Variants in SIK3 observed in about 807,000 individuals in gnomAD.
SIK3 encodes serine/threonine-protein kinase SIK3.
In SIK3, 28 loss-of-function variants were observed where a neutral mutation model predicts 144.2. The ratio of observed to expected loss-of-function variants is 0.19; its 90% CI spans 0.14 to 0.27. The LOEUF (loss-of-function observed/expected upper bound fraction) is 0.27, where lower values mean the gene tolerates loss of function less well. Among genes scored for constraint, SIK3 ranks in the 10% least tolerant of loss-of-function variants. The probability of loss-of-function intolerance (pLI) is 1.00; values close to 1 mark genes in which losing one functional copy is unlikely to be tolerated. For synonymous variants in SIK3, 686 were observed against 676.3 expected (o/e 1.01, Z -0.22); for missense variants, 1,319 against 1,776.0 (o/e 0.74, Z 4.62).
chr11:117,057,686 G>A (rs761427896), intron 1 of SIK3, among the ~76,000 whole-genome samples: 4 of 152,262 alleles, frequency 2.6e-5, no homozygotes, highest in Admixed American at 6.5e-5. Context: ...AGTTTAGAAC[G>A]TGGGCACTGG....
At chr11:116,993,594 G>C (rs576896969) in intron 1 of SIK3, among the ~76,000 whole-genome samples, 2 of 152,202 alleles carry the variant, frequency 1.3e-5, no homozygotes, top group East Asian at 3.9e-4. Context: ...AGGAAAACAT[G>C]TATATTCCTT....
rs549983135 is a variant in SIK3 at position 117,025,880 on chromosome 11, T to TA, written c.274-68817dup. Among the ~76,000 whole-genome samples, 3 of 152,338 alleles carry TA rather than the reference T, an allele frequency of 2.0e-5. No individual in the cohort carries two copies. The East Asian group carries it at 5.8e-4, about 29-fold the overall frequency. On this transcript the variant is annotated intron_variant, in intron 1 of 24. Coordinates refer to ENST00000445177, the MANE Select transcript of SIK3 (RefSeq NM_001366686.3). ...AACTCAAATCCCCTGACTACCTCTCTAAGGCTTTTTCCACAACTTTATGTA... is the reference window on the plus strand; with the variant it reads ...AACTCAAATCCCCTGACTACCTCTCTAAAGGCTTTTTCCACAACTTTATGTA...
Position 116,861,914 on chromosome 11 carries a change from G to C in SIK3, c.2242C>G (p.Pro748Ala). 1 of 1,609,466 alleles carries C rather than the reference G, an allele frequency of 6.2e-7. No homozygotes were observed. Among genetic ancestry groups the C allele is most frequent in the Non-Finnish European group, 8.5e-7 (1 of 1,177,932 alleles). ...TGAAGAGGTGGAGATGGCTGAGGAG[G>C]ACAGATAGAGTCCTAAAACATATAT... ...LQQQIQDSIC[P>A]PQPSPPLQAA... The change falls in exon 18 of 25, where the codon CCT (proline) becomes GCT (alanine). Residue 748 changes from proline (P) to alanine (A), a missense_variant. Transcript: ENST00000445177.
At chr11:117,069,536 G>A (rs1954171506) in intron 1 of SIK3, among the ~76,000 whole-genome samples, 1 of 152,080 alleles carries the variant, frequency 6.6e-6, no homozygotes, top group Admixed American at 6.6e-5. Context: ...TTTAGCAACT[G>A]GTTTGTTCAA....
intron 1 of SIK3, among the ~76,000 whole-genome samples, chr11:117,092,926 A>C (rs1252385991): frequency 7.2e-5 from 11 of 152,220 alleles, no homozygotes; most frequent in African/African-American, 2.7e-4. Flanking sequence ...GGGAGCTGGC[A>C]CCAAAGTCAA....
In SIK3 at chr11:116,941,075, C is replaced by T. The variant is rs369564241; in HGVS notation, c.454+12969G>A. 1.3e-4 allele frequency among the ~76,000 whole-genome samples: 20 copies of T among 152,116 alleles called. 1 individual carries two copies. The East Asian group carries it at 3.7e-3, about 28-fold the overall frequency. On this transcript the variant is annotated intron_variant, in intron 3 of 24. Coordinates refer to ENST00000445177, the MANE Select transcript of SIK3 (RefSeq NM_001366686.3). ...AGGCTGGAGTGCAGTGGCGCAATCTCGGCTCACTGCAAGCTCCGCCTCCTG... is the reference window on the plus strand; with the variant it reads ...AGGCTGGAGTGCAGTGGCGCAATCTTGGCTCACTGCAAGCTCCGCCTCCTG...
intron 1 of SIK3, among the ~76,000 whole-genome samples, chr11:116,958,806 T>C (rs1427515694): frequency 2.0e-5 from 3 of 152,162 alleles, no homozygotes; most frequent in African/African-American, 7.2e-5. Context: ...CTTCTCCTCA[T>C]TACTGCACCA....
At chr11:117,010,081 C>T (rs1477234932) in intron 1 of SIK3, among the ~76,000 whole-genome samples, 2 of 151,822 alleles carry the variant, frequency 1.3e-5, no homozygotes, top group African/African-American at 4.8e-5. Flanking sequence ...ATCAAGGGGA[C>T]GGTGGGAAGT....
chr11:116,963,129 A>AAAATCTC (rs1282667590), intron 1 of SIK3, among the ~76,000 whole-genome samples: 1 of 152,200 alleles, frequency 6.6e-6, no homozygotes, highest in Non-Finnish European at 1.5e-5. Context: ...GCCTTGGGAG[A>AAAATCTC]AAATCTCAAA....
intron 1 of SIK3, among the ~76,000 whole-genome samples, chr11:117,061,142 G>T (rs1953772926): frequency 6.6e-6 from 1 of 152,146 alleles, no homozygotes; most frequent in Non-Finnish European, 1.5e-5. Flanking sequence ...AGCTACTCAG[G>T]AGGCTGAGGC....
At chr11:116,930,097 A>T (rs1254519488) in intron 3 of SIK3, among the ~76,000 whole-genome samples, 1 of 150,296 alleles carries the variant, frequency 6.7e-6, no homozygotes, top group African/African-American at 2.4e-5. Context: ...TTTTTTTTTT[A>T]AAGTGTTCAC....
intron 1 of SIK3, among the ~76,000 whole-genome samples, chr11:117,081,641 CA>C (rs1057514241): frequency 3.0e-4 from 45 of 151,774 alleles, no homozygotes; most frequent in Non-Finnish European, 1.0e-4. Context: ...ATAAATTAAT[CA>C]AAAAAATAAA....
chr11:117,037,897 T>C (rs1413261429), intron 1 of SIK3, among the ~76,000 whole-genome samples: 2 of 152,216 alleles, frequency 1.3e-5, no homozygotes, highest in Non-Finnish European at 1.5e-5. Context: ...GCTAAGCACC[T>C]TTCCTCTGTT....
At chr11:116,926,758 C>T (rs770205535) in intron 4 of SIK3, among the ~76,000 whole-genome samples, 1 of 152,166 alleles carries the variant, frequency 6.6e-6, no homozygotes, top group Non-Finnish European at 1.5e-5. Context: ...TGGTGGCTCA[C>T]GCCTGTAATC....
rs534987353 is a variant in SIK3, at chr11:116,859,375, G to C, written c.2655C>G (p.Pro885=). The change falls in exon 20 of 25, where the codon CCC becomes CCG. Residue 885 remains proline (P), a synonymous_variant. Coordinates refer to ENST00000445177, the MANE Select transcript of SIK3 (RefSeq NM_001366686.3). ...GCTGCATCTGCATCTGACCAGCACT[G>C]GGGCTGATGGAGATGCCGCGCCCAC... The part of the protein sequence containing the change: ...GSSGRGISIS[P]SAGQMQMQHR... The C allele has an allele frequency of 6.2e-7, 1 of 1,614,204 alleles. No homozygotes were observed. The highest frequency in any genetic ancestry group is 8.5e-7 in the Non-Finnish European group (1 of 1,180,050).
chr11:116,909,044 A>G (rs1946201272), intron 4 of SIK3, among the ~76,000 whole-genome samples: 1 of 152,230 alleles, frequency 6.6e-6, no homozygotes, highest in African/African-American at 2.4e-5. Flanking sequence ...CAATGGAAAA[A>G]TAACTTGTGG....
chr11:117,097,086 C>T (rs1955507774), intron 1 of SIK3, among the ~76,000 whole-genome samples: 1 of 152,122 alleles, frequency 6.6e-6, no homozygotes, highest in African/African-American at 2.4e-5. Flanking sequence ...CAAAAGATTC[C>T]TCCTGATGTC....
chr11:117,026,078 T>G (rs1591562262), intron 1 of SIK3, among the ~76,000 whole-genome samples: 1 of 152,096 alleles, frequency 6.6e-6, no homozygotes, highest in East Asian at 1.9e-4. Flanking sequence ...AAGGGGGAAA[T>G]GTAGATAAAG....
intron 1 of SIK3, among the ~76,000 whole-genome samples, chr11:117,013,924 G>GTGTGTGTGTA: frequency 1.0e-5 from 1 of 95,726 alleles, no homozygotes; most frequent in Non-Finnish European, 2.4e-5. Flanking sequence ...GGGTGTGTGT[G>GTGTGTGTGTA]TGTGTGTGTG....
Sources: gnomAD v4.1 joint callset for allele counts (sites outside exome capture counted in the v4.1 genomes callset) on GRCh38, gnomAD v4.1.1 for gene constraint, MANE v1.5 for transcripts, NCBI Gene and HGNC (gene_info 2026-07-23, HGNC 2026-07-21) for gene names.